B4GALT5: variants seen among roughly 807,000 people sequenced by gnomAD.
B4GALT5 encodes UDP-Gal:beta-GlcNAc beta-1,4-galactosyltransferase 5.
In B4GALT5, 11 loss-of-function variants were observed where a neutral mutation model predicts 45.0. The ratio of observed to expected loss-of-function variants is 0.24; its 90% CI spans 0.15 to 0.40. The LOEUF is 0.40. Among genes scored for constraint, B4GALT5 ranks in the 10% least tolerant of loss-of-function variants. The pLI is 1.00. For missense variants in B4GALT5, 337 were observed against 500.2 expected (o/e 0.67, Z 3.11); for synonymous variants, 185 against 182.9 (o/e 1.01, Z -0.09).
chr20:49,678,872 G>C (rs1600546143), intron 1 of B4GALT5, among the ~76,000 whole-genome samples: 2 of 152,244 alleles, frequency 1.3e-5, no homozygotes, highest in East Asian at 3.9e-4. Context: ...TATAAACATT[G>C]TTAGTGCTGT....
intron 1 of B4GALT5, among the ~76,000 whole-genome samples, chr20:49,682,820 C>T (rs923233638): frequency 2.6e-5 from 4 of 152,148 alleles, no homozygotes; most frequent in African/African-American, 9.7e-5. Context: ...TAGGCCGGCG[C>T]AGTGGCTCAC....
chr20:49,648,131 C>T lies in B4GALT5; in HGVS notation c.251-1053G>A, dbSNP rs1184551774. ...GTTTCATGTTTGCAGTCATTTTTCT[C>T]TTATTGGTATCTCCAGTGTCAATAT... On this transcript the variant is annotated intron_variant, in intron 2 of 8. Coordinates refer to ENST00000371711, the MANE Select transcript of B4GALT5 (RefSeq NM_004776.4). 3.9e-5 allele frequency among the ~76,000 whole-genome samples: 6 copies of T among 152,202 alleles called. No individual in the cohort carries two copies. In the East Asian group the frequency reaches 1.2e-3, roughly 29 times the overall value.
chr20:49,713,701 G>A lies in B4GALT5; in HGVS notation c.-11C>T, dbSNP rs953191522. ...CCGGCGGGCGCGCATGCTGCAGCCA[G>A]GCGGCCGCTAGAGAGCCAGGCCGGG... On this transcript the variant is annotated 5_prime_UTR_variant, in exon 1 of 9. Coordinates refer to ENST00000371711, the MANE Select transcript of B4GALT5 (RefSeq NM_004776.4). 1.8e-5 allele frequency: 24 copies of A among 1,368,478 alleles called. No individual in the cohort carries two copies. The highest frequency in any genetic ancestry group is 2.1e-5 in the Non-Finnish European group (22 of 1,023,324). 84.8% of individuals were successfully genotyped at this position (1,368,478 alleles called of 1,614,324 possible).
chr20:49,671,136 T>C (rs2085714190), intron 1 of B4GALT5, among the ~76,000 whole-genome samples: 1 of 152,180 alleles, frequency 6.6e-6, no homozygotes, highest in Middle Eastern at 3.2e-3. Context: ...CCCAGCACTT[T>C]GGGAGGCCAA....
chr20:49,689,488 T>G (rs899675407), intron 1 of B4GALT5, among the ~76,000 whole-genome samples: 1 of 152,230 alleles, frequency 6.6e-6, no homozygotes, highest in Non-Finnish European at 1.5e-5. Flanking sequence ...TTAAACCGTT[T>G]TATTATGAAA....
At position 49,643,509 on chromosome 20, in the gene B4GALT5, G is replaced by A; in HGVS notation, c.489+17C>T. 4 of 1,613,338 alleles carry A rather than the reference G, an allele frequency of 2.5e-6. No individual in the cohort carries two copies. The highest frequency in any genetic ancestry group is 3.4e-6 in the Non-Finnish European group (4 of 1,179,644). ...AGGTGGGCTTCTCAGCATTTTGGCT[G>A]TGACTTCACACCCTACCTTCCACCG... On this transcript the variant is annotated intron_variant, in intron 4 of 8. Transcript: ENST00000371711.
At chr20:49,687,124 T>A (rs185604055) in intron 1 of B4GALT5, among the ~76,000 whole-genome samples, 1 of 152,160 alleles carries the variant, frequency 6.6e-6, no homozygotes, top group East Asian at 1.9e-4. Flanking sequence ...GGGAGAAAGG[T>A]GCTACTGGCA....
intron 1 of B4GALT5, among the ~76,000 whole-genome samples, chr20:49,704,302 G>A (rs1031183608): frequency 2.0e-5 from 3 of 152,172 alleles, no homozygotes; most frequent in African/African-American, 7.2e-5. Context: ...ATACTTTTAG[G>A]ACTACTTGGG....
chr20:49,691,922 T>A (rs1380288189), intron 1 of B4GALT5, among the ~76,000 whole-genome samples: 1 of 152,160 alleles, frequency 6.6e-6, no homozygotes, highest in African/African-American at 2.4e-5. Flanking sequence ...ACCAAATGAC[T>A]GATTTTATCA....
At position 49,634,006 on chromosome 20, in the gene B4GALT5, A is replaced by G. The variant is rs772062540; in HGVS notation, c.*2306T>C. On this transcript the variant is annotated 3_prime_UTR_variant, in exon 9 of 9. Transcript: ENST00000371711. ...CATAAAACAAAGGAAAACCAAATGA[A>G]CTTCTGTGTGTAATGTTCACTTGTG... 1 of 152,490 alleles carries G rather than the reference A, an allele frequency of 6.6e-6. No homozygotes were observed. Among genetic ancestry groups the G allele is most frequent in the Non-Finnish European group, 1.5e-5 (1 of 68,026 alleles). 9.4% of individuals were successfully genotyped at this position (152,490 alleles called of 1,614,324 possible).
At chr20:49,666,661 T>C (rs576535538) in intron 1 of B4GALT5, among the ~76,000 whole-genome samples, 2 of 152,268 alleles carry the variant, frequency 1.3e-5, no homozygotes, top group South Asian at 4.1e-4. Context: ...CCTTCCCCCA[T>C]ATACAAAATA....
intron 1 of B4GALT5, among the ~76,000 whole-genome samples, chr20:49,657,867 C>A (rs1452143570): frequency 1.3e-5 from 2 of 152,172 alleles, no homozygotes; most frequent in Non-Finnish European, 2.9e-5. Context: ...TTAGAAGTCA[C>A]TGTATTTCAA....
At chr20:49,661,706 G>A (rs143888820) in intron 1 of B4GALT5, among the ~76,000 whole-genome samples, 2 of 152,224 alleles carry the variant, frequency 1.3e-5, no homozygotes, top group Non-Finnish European at 2.9e-5. Flanking sequence ...GGCACCGTAC[G>A]AGGGCACTGG....
intron 1 of B4GALT5, among the ~76,000 whole-genome samples, chr20:49,686,936 T>C (rs2085788517): frequency 6.6e-6 from 1 of 151,980 alleles, no homozygotes; most frequent in Non-Finnish European, 1.5e-5. Context: ...TGGCATATAG[T>C]CCAATGGTCA....
At chr20:49,677,359 C>A (rs868680134) in intron 1 of B4GALT5, among the ~76,000 whole-genome samples, 1 of 152,144 alleles carries the variant, frequency 6.6e-6, no homozygotes, top group Non-Finnish European at 1.5e-5. Context: ...CCCAGCAAGA[C>A]CCCCTGCCTC....
chr20:49,644,404 G>A (rs1027915547), intron 3 of B4GALT5, among the ~76,000 whole-genome samples: 1 of 151,980 alleles, frequency 6.6e-6, no homozygotes, highest in African/African-American at 2.4e-5. Flanking sequence ...GCTTTTCTGA[G>A]AAGAAGGAGA....
chr20:49,644,604 C>T (rs748457805), intron 3 of B4GALT5, among the ~76,000 whole-genome samples: 1 of 152,140 alleles, frequency 6.6e-6, no homozygotes, highest in Non-Finnish European at 1.5e-5. Context: ...AAACAATGAA[C>T]TAATAACATT....
chr20:49,697,431 C>T (rs902550792), intron 1 of B4GALT5, among the ~76,000 whole-genome samples: 1 of 152,220 alleles, frequency 6.6e-6, no homozygotes, highest in Admixed American at 6.5e-5. Flanking sequence ...CCTCTGGAAA[C>T]GTCACTGTGA....
chr20:49,707,200 T>C (rs2085887954), intron 1 of B4GALT5, among the ~76,000 whole-genome samples: 1 of 152,178 alleles, frequency 6.6e-6, no homozygotes, highest in Non-Finnish European at 1.5e-5. Context: ...TGGCTTCCAA[T>C]ATAGCAAAAA....
Sources: gnomAD v4.1 joint callset for allele counts (sites outside exome capture counted in the v4.1 genomes callset) on GRCh38, gnomAD v4.1.1 for gene constraint, MANE v1.5 for transcripts, NCBI Gene and HGNC (gene_info 2026-07-23, HGNC 2026-07-21) for gene names.